The following PLOD2 variants were observed in gnomAD, a reference collection of about 807,000 sequenced individuals.
PLOD2 encodes the protein procollagen-lysine,2-oxoglutarate 5-dioxygenase 2, also known as lysine hydroxylase 2.
A neutral mutation model predicts 101.0 loss-of-function variants in PLOD2; 65 were observed. The ratio of observed to expected loss-of-function variants is 0.64; its 90% CI spans 0.53 to 0.79. The LOEUF (loss-of-function observed/expected upper bound fraction) is 0.79, where lower values mean the gene tolerates loss of function less well. Ranked by LOEUF, PLOD2 falls within the 30% of genes least tolerant of loss-of-function variation. PLOD2 has a pLI of 0.00. For synonymous variants in PLOD2, 314 were observed against 302.9 expected (o/e 1.04, Z -0.38); for missense variants, 909 against 914.6 (o/e 0.99, Z 0.08).
intron 1 of PLOD2, among the ~76,000 whole-genome samples, chr3:146,160,469 T>C (rs1425394127): frequency 1.3e-5 from 2 of 151,928 alleles, no homozygotes; most frequent in African/African-American, 2.4e-5. Context: ...TCACCATCAA[T>C]TAGAAAGTAC....
At chr3:146,132,964 G>C (rs922968037) in intron 1 of PLOD2, among the ~76,000 whole-genome samples, 5 of 152,174 alleles carry the variant, frequency 3.3e-5, no homozygotes, top group South Asian at 2.1e-4. Flanking sequence ...GGATCATGAG[G>C]TCAGGAGATC....
intron 3 of PLOD2, among the ~76,000 whole-genome samples, chr3:146,119,842 T>C (rs1286526957): frequency 6.6e-6 from 1 of 152,224 alleles, no homozygotes; most frequent in East Asian, 1.9e-4. Flanking sequence ...CAGTCTATCA[T>C]TGTTGGACAT....
intron 6 of PLOD2, among the ~76,000 whole-genome samples, chr3:146,103,263 T>C (rs550991306): frequency 1.3e-5 from 2 of 152,292 alleles, no homozygotes; most frequent in South Asian, 4.1e-4. Context: ...ATGAAGATAA[T>C]AACAATATAT....
intron 14 of PLOD2, 146 bp from the exon 15 acceptor site, chr3:146,077,041 T>C: frequency 2.3e-6 from 3 of 1,290,620 alleles, no homozygotes; most frequent in Non-Finnish European, 3.0e-6. Context: ...AAAATGTGCA[T>C]AGTTTAAAAT....
chr3:146,123,243 T>G (rs1423636273), intron 2 of PLOD2: 3 of 1,035,890 alleles, frequency 2.9e-6, no homozygotes, highest in Non-Finnish European at 3.7e-6. Flanking sequence ...AAAAAAAAGT[T>G]TTTTGCTTTT....
chr3:146,081,011 T>G (rs903926338), intron 12 of PLOD2, among the ~76,000 whole-genome samples: 2 of 152,072 alleles, frequency 1.3e-5, no homozygotes, highest in African/African-American at 4.8e-5. Context: ...TACTGCCCCT[T>G]TTTAATCAGG....
intron 1 of PLOD2, among the ~76,000 whole-genome samples, chr3:146,135,370 TATC>T (rs1451001375): frequency 3.3e-5 from 5 of 152,308 alleles, no homozygotes; most frequent in South Asian, 2.1e-4. Context: ...CAACTACAAA[TATC>T]ATCTTCTATG....
chr3:146,106,790 A>G, intron 4 of PLOD2, 146 bp from the exon 5 acceptor site: 2 of 676,032 alleles, frequency 3.0e-6, no homozygotes. Flanking sequence ...CCATGAAAGA[A>G]ATATGAATTA....
At chr3:146,096,882 G>C (rs1405118083) in intron 7 of PLOD2, among the ~76,000 whole-genome samples, 1 of 76,284 alleles carries the variant, frequency 1.3e-5, no homozygotes, top group African/African-American at 5.4e-5. Flanking sequence ...GAGGGAGGTG[G>C]GGGGGGGGAG....
At chr3:146,142,787 C>G (rs539090101) in intron 1 of PLOD2, among the ~76,000 whole-genome samples, 2 of 152,150 alleles carry the variant, frequency 1.3e-5, no homozygotes, top group Admixed American at 1.3e-4. Context: ...TAATATACTG[C>G]CTAAGATTAT....
chr3:146,092,663 A>C (rs1431212564), intron 7 of PLOD2, among the ~76,000 whole-genome samples: 1 of 150,080 alleles, frequency 6.7e-6, no homozygotes, highest in Non-Finnish European at 1.5e-5. Flanking sequence ...TTTTAACTGT[A>C]AAAAAAAAAT....
At chr3:146,077,038 G>T (rs565918046) in intron 14 of PLOD2, 143 bp from the exon 15 acceptor site, 9 of 1,293,712 alleles carry the variant, frequency 7.0e-6, no homozygotes, top group African/African-American at 1.5e-5. Context: ...TATAAAATGT[G>T]CATAGTTTAA....
Position 146,121,325 on chromosome 3 carries a change from T to C in PLOD2, c.202-77A>G. On this transcript the variant is annotated intron_variant, in intron 2 of 19. Transcript: ENST00000282903. ...TACTATGAAAAACTTAAAGACATCA[T>C]CAACTTGAACAGTACTGTACCGTAA... The C allele has an allele frequency of 2.4e-6, 3 of 1,235,430 alleles. 1 individual carries two copies. The highest frequency in any genetic ancestry group is 1.9e-4 in the Middle Eastern group (1 of 5,348). The allele number at this position is 1,235,430 out of a possible 1,614,324, so 76.5% of individuals were successfully genotyped here. A position where few individuals can be genotyped will look rare whatever the true frequency, so the allele number is the denominator to read the frequency against.
intron 1 of PLOD2, among the ~76,000 whole-genome samples, chr3:146,126,352 A>AG (rs2030556324): frequency 9.1e-6 from 1 of 109,516 alleles, no homozygotes; most frequent in South Asian, 2.8e-4. Context: ...TCTTAGTTGG[A>AG]GAAAAAAAAT....
At chr3:146,075,968 GGA>G (rs1392164836) in intron 15 of PLOD2, 4 of 151,420 alleles carry the variant, frequency 2.6e-5, no homozygotes, top group Non-Finnish European at 4.4e-5. Context: ...TTGGATTCAG[GGA>G]GTATATGTGC....
intron 14 of PLOD2, 153 bp downstream of exon 14, chr3:146,077,709 A>T (rs1559834587): frequency 5.3e-6 from 3 of 561,622 alleles, no homozygotes; most frequent in Non-Finnish European, 9.4e-6. Context: ...TGCCCAAGTC[A>T]CACAAAACAC....
At chr3:146,093,515 CA>C (rs967860580) in intron 7 of PLOD2, among the ~76,000 whole-genome samples, 2 of 152,064 alleles carry the variant, frequency 1.3e-5, no homozygotes, top group African/African-American at 4.8e-5. Flanking sequence ...TTGTGTTCTA[CA>C]AAATATGGTT....
At chr3:146,089,973 G>A (rs1559842132) in intron 8 of PLOD2, among the ~76,000 whole-genome samples, 2 of 151,260 alleles carry the variant, frequency 1.3e-5, no homozygotes, top group Non-Finnish European at 3.0e-5. Flanking sequence ...AAAGTGCTGG[G>A]TTTCAATCCA....
chr3:146,129,082 G>A (rs1449993563), intron 1 of PLOD2, among the ~76,000 whole-genome samples: 5 of 151,936 alleles, frequency 3.3e-5, no homozygotes, highest in African/African-American at 1.2e-4. Context: ...AGAAGTAACT[G>A]TGAGTACACT....
Sources: gnomAD v4.1 joint callset for allele counts (sites outside exome capture counted in the v4.1 genomes callset) on GRCh38, gnomAD v4.1.1 for gene constraint, MANE v1.5 for transcripts, NCBI Gene and HGNC (gene_info 2026-07-23, HGNC 2026-07-21) for gene names.